HDAC9: variants seen among roughly 807,000 people sequenced by gnomAD.
HDAC9 encodes MEF-2 interacting transcription repressor (MITR) protein.
In HDAC9, 41 loss-of-function variants were observed where a neutral mutation model predicts 139.4. The ratio of observed to expected loss-of-function variants is 0.29; its 90% CI spans 0.23 to 0.38. The LOEUF (loss-of-function observed/expected upper bound fraction) is 0.38. Ranked by LOEUF, HDAC9 falls within the 10% of genes least tolerant of loss-of-function variation. The pLI, the probability that HDAC9 is intolerant of heterozygous loss-of-function variation, is 1.00. For synonymous variants in HDAC9, 517 were observed against 476.2 expected (o/e 1.09, Z -1.12); for missense variants, 1,147 against 1,297.0 (o/e 0.88, Z 1.78).
intron 25 of HDAC9, among the ~76,000 whole-genome samples, chr7:18,985,324 G>T (rs1785254344): frequency 6.6e-6 from 1 of 151,944 alleles, no homozygotes; most frequent in African/African-American, 2.4e-5. Context: ...GCGGTGTTTG[G>T]TTTTTTGTTC....
intron 16 of HDAC9, among the ~76,000 whole-genome samples, chr7:18,781,892 G>C (rs752890694): frequency 3.3e-5 from 5 of 152,080 alleles, no homozygotes; most frequent in African/African-American, 4.8e-5. Flanking sequence ...GTCCACAGTA[G>C]ATGATTCATT....
intron 1 of HDAC9, among the ~76,000 whole-genome samples, chr7:18,098,132 T>C (rs1472135262): frequency 6.6e-6 from 1 of 152,192 alleles, no homozygotes. Flanking sequence ...TGTAATCCCA[T>C]CATGACAAGT....
intron 2 of HDAC9, among the ~76,000 whole-genome samples, chr7:18,561,272 T>C (rs1028515186): frequency 6.6e-6 from 1 of 152,210 alleles, no homozygotes; most frequent in African/African-American, 2.4e-5. Flanking sequence ...CACACTAATA[T>C]GGCATTGGCA....
At chr7:18,369,776 A>T (rs1784456574) in intron 1 of HDAC9, among the ~76,000 whole-genome samples, 1 of 152,064 alleles carries the variant, frequency 6.6e-6, no homozygotes, top group African/African-American at 2.4e-5. Flanking sequence ...ACTCAGAGGG[A>T]TGATTGAGGA....
chr7:18,162,273 A>G, exon 2 of HDAC9: 1 of 1,517,380 alleles, frequency 6.6e-7, no homozygotes, highest in Non-Finnish European at 8.8e-7. Flanking sequence ...CAGCAGTTGA[A>G]CGACAAAGGC....
chr7:18,167,191 G>A (rs1788067597), intron 2 of HDAC9, among the ~76,000 whole-genome samples: 1 of 144,746 alleles, frequency 6.9e-6, no homozygotes, highest in African/African-American at 2.7e-5. Flanking sequence ...CTATTGTTTT[G>A]GATTTTTTTT....
chr7:18,295,754 T>C (rs1314468674), intron 1 of HDAC9, among the ~76,000 whole-genome samples: 1 of 152,154 alleles, frequency 6.6e-6, no homozygotes, highest in Non-Finnish European at 1.5e-5. Context: ...GGCAGTTTGG[T>C]ACCCCAGAGC....
Position 18,889,386 on chromosome 7 carries a change from T to G in HDAC9, c.2803+14790T>G, listed in dbSNP as rs547664903. On this transcript the variant is annotated intron_variant, in intron 22 of 25. Coordinates refer to ENST00000686413, the MANE Select transcript of HDAC9 (RefSeq NM_178425.4). ...TGTCCCCAGGGGCTAAAATATCACCTCAGCTATTGTCTAGGCTCCAGAAAT... is the reference window on the plus strand; with the variant it reads ...TGTCCCCAGGGGCTAAAATATCACCGCAGCTATTGTCTAGGCTCCAGAAAT... 3.9e-5 allele frequency among the ~76,000 whole-genome samples: 6 copies of G among 152,248 alleles called. No homozygotes were observed. In the East Asian group the frequency reaches 1.2e-3, roughly 29 times the overall value.
At chr7:18,738,726 T>G (rs1471382237) in intron 13 of HDAC9, among the ~76,000 whole-genome samples, 1 of 152,268 alleles carries the variant, frequency 6.6e-6, no homozygotes, top group African/African-American at 2.4e-5. Flanking sequence ...GTGTATTTGA[T>G]GATTATGTGT....
chr7:18,961,957 T>C (rs907720252), intron 24 of HDAC9, among the ~76,000 whole-genome samples: 2 of 152,192 alleles, frequency 1.3e-5, no homozygotes, highest in Non-Finnish European at 2.9e-5. Context: ...CAAAGTGACA[T>C]ATTTAGACAA....
intron 22 of HDAC9, among the ~76,000 whole-genome samples, chr7:18,930,518 A>G (rs1393060653): frequency 6.6e-6 from 1 of 152,144 alleles, no homozygotes; most frequent in Non-Finnish European, 1.5e-5. Flanking sequence ...TATGTCCTGA[A>G]AAATAATACC....
At chr7:18,756,224 G>A (rs1412707794) in intron 14 of HDAC9, among the ~76,000 whole-genome samples, 1 of 152,164 alleles carries the variant, frequency 6.6e-6, no homozygotes, top group African/African-American at 2.4e-5. Context: ...TAACGAGATA[G>A]AGACAAATAG....
chr7:18,856,316 A>T (rs948641394), intron 21 of HDAC9, among the ~76,000 whole-genome samples: 4 of 152,116 alleles, frequency 2.6e-5, no homozygotes, highest in African/African-American at 7.2e-5. Flanking sequence ...TGAGTAACTG[A>T]TTAGATTTTT....
intron 1 of HDAC9, among the ~76,000 whole-genome samples, chr7:18,411,161 C>T (rs1788508139): frequency 6.6e-6 from 1 of 152,082 alleles, no homozygotes; most frequent in South Asian, 2.1e-4. Context: ...GGGTATCTTA[C>T]CTTAGGGAAA....
At chr7:18,343,990 G>A (rs1456665275) in intron 1 of HDAC9, among the ~76,000 whole-genome samples, 1 of 151,710 alleles carries the variant, frequency 6.6e-6, no homozygotes, top group Non-Finnish European at 1.5e-5. Flanking sequence ...TATTGGGTCA[G>A]GACCAAGTCA....
chr7:18,332,468 A>T (rs188395296), intron 1 of HDAC9, among the ~76,000 whole-genome samples: 4 of 151,496 alleles, frequency 2.6e-5, no homozygotes, highest in Non-Finnish European at 4.4e-5. Flanking sequence ...TTCTTCTTGC[A>T]TGTAGCTTTT....
intron 13 of HDAC9, 65 bp downstream of exon 13, chr7:18,727,822 GATTTAA>G: frequency 1.6e-6 from 2 of 1,238,256 alleles, no homozygotes; most frequent in Non-Finnish European, 2.2e-6. Flanking sequence ...AGGATTAACC[GATTTAA>G]ATGCTCTGAA....
At chr7:18,439,523 A>G (rs1791542863) in intron 1 of HDAC9, among the ~76,000 whole-genome samples, 1 of 152,118 alleles carries the variant, frequency 6.6e-6, no homozygotes, top group African/African-American at 2.4e-5. Flanking sequence ...CGATAATGCT[A>G]ATATGCCCAC....
intron 16 of HDAC9, among the ~76,000 whole-genome samples, chr7:18,792,411 A>G (rs576008142): frequency 1.3e-5 from 2 of 152,112 alleles, no homozygotes; most frequent in Non-Finnish European, 2.9e-5. Context: ...AGAGACTTCT[A>G]CCATCTGGTA....
Sources: gnomAD v4.1 joint callset for allele counts (sites outside exome capture counted in the v4.1 genomes callset) on GRCh38, gnomAD v4.1.1 for gene constraint, MANE v1.5 for transcripts, NCBI Gene and HGNC (gene_info 2026-07-23, HGNC 2026-07-21) for gene names.